PCSK5: variants seen among roughly 807,000 people sequenced by gnomAD.
The protein encoded by PCSK5 is prohormone convertase 5.
In PCSK5, 129 loss-of-function variants were observed where a neutral mutation model predicts 233.2. The ratio of observed to expected loss-of-function variants is 0.55; its 90% CI spans 0.48 to 0.64. PCSK5 has a LOEUF of 0.64. Ranked by LOEUF, PCSK5 falls within the 30% of genes least tolerant of loss-of-function variation. The probability of loss-of-function intolerance (pLI) is 0.00; values close to 1 mark genes in which losing one functional copy is unlikely to be tolerated. For missense variants in PCSK5, 2,076 were observed against 2,430.1 expected (o/e 0.85, Z 3.06); for synonymous variants, 825 against 879.2 (o/e 0.94, Z 1.09).
At chr9:76,238,808 C>A in intron 22 of PCSK5, 151 bp from the exon 23 acceptor site, 2 of 609,124 alleles carry the variant, frequency 3.3e-6, no homozygotes, top group Non-Finnish European at 5.8e-6. Context: ...AGCTATTGCA[C>A]TTTTCATTAA....
chr9:76,278,679 ATCTG>A (rs1350026005), intron 24 of PCSK5, among the ~76,000 whole-genome samples: 12 of 147,814 alleles, frequency 8.1e-5, no homozygotes, highest in Non-Finnish European at 1.5e-4. Context: ...AGCCATCTCT[ATCTG>A]TCTATCTATC....
At chr9:76,273,425 A>G (rs1827587404) in intron 24 of PCSK5, among the ~76,000 whole-genome samples, 1 of 151,540 alleles carries the variant, frequency 6.6e-6, no homozygotes, top group South Asian at 2.1e-4. Flanking sequence ...CATCCACCAA[A>G]TTTCATTGCC....
chr9:75,996,968 G>C (rs113285707), intron 3 of PCSK5, among the ~76,000 whole-genome samples: 3 of 152,234 alleles, frequency 2.0e-5, no homozygotes, highest in African/African-American at 7.2e-5. Context: ...TTATCAAACA[G>C]CTGCTCTGAT....
At position 75,933,599 on chromosome 9, in the gene PCSK5, C is replaced by T. The variant is rs116888308; in HGVS notation, c.297+1116C>T. ...GCCCTCAGTTATGTGCTGTAGTTAG[C>T]CTTGTTTAATTTTTTTCTGGAATAT... On this transcript the variant is annotated intron_variant, in intron 2 of 37. Coordinates refer to ENST00000674117, the MANE Select transcript of PCSK5 (RefSeq NM_001372043.1). Among the ~76,000 whole-genome samples, 57 of 152,180 alleles carry T rather than the reference C, an allele frequency of 3.7e-4. No individual in the cohort carries two copies. In the East Asian group the frequency reaches 8.9e-3, roughly 24 times the overall value.
chr9:76,154,334 A>C (rs763228427), intron 10 of PCSK5, among the ~76,000 whole-genome samples: 1 of 152,192 alleles, frequency 6.6e-6, no homozygotes, highest in Non-Finnish European at 1.5e-5. Flanking sequence ...ATAAAGTCTC[A>C]AGGTGCTTTT....
chr9:75,968,590 T>G (rs1429688819), intron 2 of PCSK5, among the ~76,000 whole-genome samples: 1 of 152,126 alleles, frequency 6.6e-6, no homozygotes, highest in East Asian at 1.9e-4. Context: ...ACCTAGAAGG[T>G]GCGAGGGTGA....
At chr9:76,240,772 C>T in intron 24 of PCSK5, 88 bp downstream of exon 24, 1 of 896,502 alleles carries the variant, frequency 1.1e-6, no homozygotes, top group Non-Finnish European at 1.8e-6. Flanking sequence ...CCAGCAGGCA[C>T]TCTTGTCATT....
chr9:75,920,030 A>G (rs958673840), intron 1 of PCSK5, among the ~76,000 whole-genome samples: 1 of 152,110 alleles, frequency 6.6e-6, no homozygotes, highest in African/African-American at 2.4e-5. Flanking sequence ...TTAGCTGGGT[A>G]TGGTGGCACA....
intron 35 of PCSK5, 42 bp downstream of exon 35, chr9:76,338,489 T>C (rs747717476): frequency 7.8e-6 from 11 of 1,413,960 alleles, no homozygotes; most frequent in Non-Finnish European, 1.1e-5. Flanking sequence ...CGTAGAAAAA[T>C]GAAAAGGTTT....
intron 9 of PCSK5, among the ~76,000 whole-genome samples, chr9:76,128,043 A>G (rs1430710989): frequency 2.0e-5 from 3 of 152,372 alleles, no homozygotes; most frequent in Non-Finnish European, 4.4e-5. Flanking sequence ...AATGAGAAAT[A>G]GAAATGAGGG....
At chr9:75,979,694 T>C (rs1826190320) in intron 2 of PCSK5, among the ~76,000 whole-genome samples, 1 of 152,208 alleles carries the variant, frequency 6.6e-6, no homozygotes, top group African/African-American at 2.4e-5. Flanking sequence ...ACATTGCCCG[T>C]AATATCTTCT....
In PCSK5 at chr9:75,972,741, T is replaced by C. The variant is rs561027505; in HGVS notation, c.298-13391T>C. On this transcript the variant is annotated intron_variant, in intron 2 of 37. Coordinates refer to ENST00000674117, the MANE Select transcript of PCSK5 (RefSeq NM_001372043.1). ...ACATTGATTTTGTATCTTGAGACTT[T>C]GTTGAAGTTGCTTGTCAGCTTAAGA... 1.6e-3 allele frequency among the ~76,000 whole-genome samples: 237 copies of C among 152,206 alleles called. 1 individual carries two copies. The highest frequency in any genetic ancestry group is 2.6e-3 in the Non-Finnish European group (180 of 68,042).
chr9:76,310,702 C>T lies in PCSK5; in HGVS notation c.3735C>T (p.Gly1245=), dbSNP rs1828840023. 2.5e-6 allele frequency: 4 copies of T among 1,610,448 alleles called. No homozygotes were observed. The highest frequency in any genetic ancestry group is 3.4e-6 in the Non-Finnish European group (4 of 1,178,994). The change falls in exon 30 of 38, where the codon GGC becomes GGT. Residue 1245 remains glycine (G), a synonymous_variant. Transcript: ENST00000674117. The stretch of plus-strand genomic sequence containing the variant: ...CCTGTGTTTCCTCCTGTCCCCAAGG[C>T]ACATGGCCTTCCGTAAGGAGTGGGA... ...AQACVSSCPQ[G]TWPSVRSGSC...
intron 36 of PCSK5, among the ~76,000 whole-genome samples, chr9:76,351,460 GA>G (rs1174131466): frequency 0.069 from 2,450 of 35,478 alleles, 462 homozygotes; most frequent in African/African-American, 0.077. Context: ...AAGAAAGAAA[GA>G]AAGAAAGAAA....
chr9:76,069,391 A>T (rs1830401804), intron 6 of PCSK5, among the ~76,000 whole-genome samples: 1 of 151,818 alleles, frequency 6.6e-6, no homozygotes, highest in South Asian at 2.1e-4. Context: ...AATAATTTTT[A>T]AAAAATGAGA....
chr9:76,141,657 C>G (rs147215142), intron 10 of PCSK5, among the ~76,000 whole-genome samples: 1 of 152,258 alleles, frequency 6.6e-6, no homozygotes, highest in East Asian at 1.9e-4. Context: ...GTGGCAACCA[C>G]TGATCTACTT....
chr9:75,971,936 C>A (rs1302898512), intron 2 of PCSK5, among the ~76,000 whole-genome samples: 1 of 152,034 alleles, frequency 6.6e-6, no homozygotes, highest in Non-Finnish European at 1.5e-5. Flanking sequence ...TAATTAGATC[C>A]CATTTGTCAA....
At chr9:76,260,080 T>G (rs1211287803) in intron 24 of PCSK5, among the ~76,000 whole-genome samples, 3 of 152,214 alleles carry the variant, frequency 2.0e-5, no homozygotes, top group Admixed American at 6.5e-5. Context: ...ATTTTAAATC[T>G]CCCAGCTTAG....
chr9:75,961,766 C>T (rs565049042), intron 2 of PCSK5, among the ~76,000 whole-genome samples: 3 of 152,280 alleles, frequency 2.0e-5, no homozygotes, highest in Admixed American at 6.5e-5. Flanking sequence ...ATTTTTATAT[C>T]GCCTACATGA....
Sources: allele counts gnomAD v4.1 joint callset (sites outside exome capture counted in the v4.1 genomes callset), GRCh38; gene constraint gnomAD v4.1.1; transcripts MANE v1.5; gene names NCBI Gene and HGNC (gene_info 2026-07-23, HGNC 2026-07-21).